The following PCDHA3 variants were observed in gnomAD, a reference collection of about 807,000 sequenced individuals.
PCDHA3 encodes the protein protocadherin alpha-3.
Under a neutral mutation model 62.2 loss-of-function variants are expected in PCDHA3, and 41 were observed. That is an observed-to-expected ratio of 0.66 (90% CI 0.51 to 0.86). The LOEUF (loss-of-function observed/expected upper bound fraction) is 0.86, where lower values mean the gene tolerates loss of function less well. Ranked by LOEUF, PCDHA3 falls within the 40% of genes least tolerant of loss-of-function variation. The probability of loss-of-function intolerance (pLI) is 0.00; values close to 1 mark genes in which losing one functional copy is unlikely to be tolerated. For synonymous variants in PCDHA3, 640 were observed against 555.4 expected, an observed-to-expected ratio of 1.15 and a Z score of -2.14; for missense variants, 1,304 against 1,241.2, an observed-to-expected ratio of 1.05 and a Z score of -0.76.
At chr5:140,876,991 T>C in intron 1 of PCDHA3, 1 of 1,612,564 alleles carries the variant, frequency 6.2e-7, no homozygotes, top group Non-Finnish European at 8.5e-7. Flanking sequence ...ACTGTCGAGC[T>C]ACGTGTCGGT....
chr5:140,849,758 C>A (rs2150448460), intron 1 of PCDHA3: 1 of 1,598,492 alleles, frequency 6.3e-7, no homozygotes, highest in Non-Finnish European at 8.6e-7. Context: ...TGTCCGCCTA[C>A]GAGCTGGTGG....
intron 3 of PCDHA3, among the ~76,000 whole-genome samples, chr5:141,003,809 G>C (rs1554259330): frequency 6.6e-6 from 1 of 152,290 alleles, no homozygotes; most frequent in African/African-American, 2.4e-5. Flanking sequence ...GTAATCTGTA[G>C]TCTGGGAAGG....
Position 140,849,766 on chromosome 5 carries a change from T to C in PCDHA3, c.2394+46175T>C. 1.9e-6 allele frequency: 3 copies of C among 1,598,326 alleles called. 1 individual carries two copies. Among genetic ancestry groups the C allele is most frequent in the Middle Eastern group, 1.7e-4 (1 of 5,858 alleles). On this transcript the variant is annotated intron_variant, in intron 1 of 3. Coordinates refer to ENST00000522353, the MANE Select transcript of PCDHA3 (RefSeq NM_018906.3). The stretch of plus-strand genomic sequence containing the variant: ...GAGAGTGTGTCCGCCTACGAGCTGG[T>C]GGTTACCGCGCGGGACGGGGGCTCG...
intron 1 of PCDHA3, chr5:140,869,606 T>C: frequency 2.5e-6 from 4 of 1,614,026 alleles, no homozygotes; most frequent in Non-Finnish European, 3.4e-6. Flanking sequence ...AATGCTCTAT[T>C]GACCTACAGG....
intron 1 of PCDHA3, among the ~76,000 whole-genome samples, chr5:140,833,353 G>A (rs2150207714): frequency 9.9e-5 from 15 of 152,096 alleles, no homozygotes; most frequent in East Asian, 1.9e-4. Flanking sequence ...TCCAGAAAAC[G>A]AACACAGTAA....
At chr5:140,991,569 A>G (rs1157834136) in intron 3 of PCDHA3, among the ~76,000 whole-genome samples, 4 of 152,188 alleles carry the variant, frequency 2.6e-5, no homozygotes, top group Admixed American at 6.5e-5. Flanking sequence ...GTTTCCAATA[A>G]CAGGCTCCTT....
At chr5:140,867,198 C>A (rs1286853388) in intron 1 of PCDHA3, 1 of 152,110 alleles carries the variant, frequency 6.6e-6, no homozygotes, top group East Asian at 1.9e-4. Flanking sequence ...ACTCCACATT[C>A]CATGTAACAT....
chr5:140,803,384 A>T lies in PCDHA3; in HGVS notation c.2187A>T (p.Glu729Asp), dbSNP rs782777686. Residue 729 changes from glutamate (E) to aspartate (D), a missense_variant, in exon 1 of 4, where the codon GAA becomes GAT. By Grantham distance (45) the Glu-to-Asp change is conservative. Transcript: ENST00000522353. Reference sequence around the variant, plus strand: ...TGCGGTGCTCCGCGCCGCCAACCGAAGGCGACTGTGGGCCGGGCAAGCCCA... The same window carrying T: ...TGCGGTGCTCCGCGCCGCCAACCGATGGCGACTGTGGGCCGGGCAAGCCCA... ...TALRCSAPPT[E>D]GDCGPGKPTL... is the part of the protein sequence containing the mutation. The T allele has an allele frequency of 1.9e-6, 3 of 1,614,208 alleles. No individual in the cohort carries two copies. The highest frequency in any genetic ancestry group is 1.7e-5 in the Admixed American group (1 of 60,036).
intron 1 of PCDHA3, chr5:140,858,360 G>T: frequency 6.3e-7 from 1 of 1,592,532 alleles, no homozygotes; most frequent in Non-Finnish European, 8.6e-7. Context: ...ATGGCCTTCA[G>T]CCCCAGCCTT....
intron 1 of PCDHA3, among the ~76,000 whole-genome samples, chr5:140,907,643 A>C (rs2073513749): frequency 6.6e-6 from 1 of 152,208 alleles, no homozygotes; most frequent in African/African-American, 2.4e-5. Flanking sequence ...GCTGCTGGCA[A>C]ATTGGGCACT....
chr5:140,809,331 T>G lies in PCDHA3; in HGVS notation c.2394+5740T>G, dbSNP rs1185037292. On this transcript the variant is annotated intron_variant, in intron 1 of 3. Coordinates refer to ENST00000522353, the MANE Select transcript of PCDHA3 (RefSeq NM_018906.3). Reference sequence around the variant, plus strand: ...GTGTCCAGCCTTTTGGTGCTCACGCTGCTGCTGTACACCGCGCTGCGGTGC... The same window carrying G: ...GTGTCCAGCCTTTTGGTGCTCACGCGGCTGCTGTACACCGCGCTGCGGTGC... The G allele has an allele frequency of 6.2e-7, 1 of 1,614,088 alleles. No individual in the cohort carries two copies. The highest frequency in any genetic ancestry group is 1.7e-5 in the Admixed American group (1 of 60,032).
chr5:140,852,335 T>C (rs2042302607), intron 1 of PCDHA3: 1 of 256,936 alleles, frequency 3.9e-6, no homozygotes. Context: ...TGGAGTACAG[T>C]GGCATGATCT....
chr5:140,807,664 T>C (rs781787509), intron 1 of PCDHA3: 1 of 1,614,224 alleles, frequency 6.2e-7, no homozygotes, highest in East Asian at 2.2e-5. Context: ...GCGCCTCGGA[T>C]GCAGATATCG....
In PCDHA3 at chr5:140,840,930, C is replaced by T. The variant is rs2150310156; in HGVS notation, c.2394+37339C>T. Among the ~76,000 whole-genome samples the T allele has an allele frequency of 2.0e-5, 3 of 151,804 alleles. No homozygotes were observed. The South Asian group carries it at 6.2e-4, about 32-fold the overall frequency. On this transcript the variant is annotated intron_variant, in intron 1 of 3. Transcript: ENST00000522353. ...TACTTAAATTTATTATTAATTGATACGATATTTGAAATATTGGGAAGAAAT... is the reference window on the plus strand; with the variant it reads ...TACTTAAATTTATTATTAATTGATATGATATTTGAAATATTGGGAAGAAAT...
chr5:140,987,293 T>C (rs2097246211), intron 3 of PCDHA3, among the ~76,000 whole-genome samples: 1 of 152,134 alleles, frequency 6.6e-6, no homozygotes, highest in African/African-American at 2.4e-5. Context: ...TAACAAGCCT[T>C]CTATGTGATA....
rs2150336265 is a variant in PCDHA3, at chr5:140,842,444, A to C, written c.2394+38853A>C. 3.1e-6 allele frequency: 5 copies of C among 1,613,778 alleles called. No homozygotes were observed. The East Asian group carries it at 1.1e-4, about 36-fold the overall frequency. On this transcript the variant is annotated intron_variant, in intron 1 of 3. Transcript: ENST00000522353. ...TACTGTCATCGCCCTAATTAGCGTGAACGACCTCGATTCAGGTGCCAACGG... is the reference window on the plus strand; with the variant it reads ...TACTGTCATCGCCCTAATTAGCGTGCACGACCTCGATTCAGGTGCCAACGG...
chr5:140,843,464 C>T lies in PCDHA3; in HGVS notation c.2394+39873C>T. On this transcript the variant is annotated intron_variant, in intron 1 of 3. Transcript: ENST00000522353. ...GGTATCCAGCCTGCTGGTGCTCACG[C>T]TGCTGCTGTACACTGCGCTGCGGTG... 3.1e-6 allele frequency: 5 copies of T among 1,596,058 alleles called. 1 individual carries two copies. The highest frequency in any genetic ancestry group is 4.3e-6 in the Non-Finnish European group (5 of 1,165,644).
In PCDHA3 at chr5:140,860,044, T is replaced by C. The variant is rs116974556; in HGVS notation, c.2394+56453T>C. On this transcript the variant is annotated intron_variant, in intron 1 of 3. Coordinates refer to ENST00000522353, the MANE Select transcript of PCDHA3 (RefSeq NM_018906.3). The stretch of plus-strand genomic sequence containing the variant: ...TGGCTCACACCTGTAATCCCAGCAT[T>C]TTGAGAGGCCAAGGTGGGAGGATGG... 10 of 151,928 alleles carry C rather than the reference T, an allele frequency of 6.6e-5. No homozygotes were observed. In the East Asian group the frequency reaches 1.9e-3, roughly 29 times the overall value. 9.4% of individuals were successfully genotyped at this position (151,928 alleles called of 1,614,324 possible).
At chr5:140,937,323 C>T (rs1350536354) in intron 1 of PCDHA3, among the ~76,000 whole-genome samples, 3 of 152,120 alleles carry the variant, frequency 2.0e-5, no homozygotes, top group African/African-American at 7.2e-5. Flanking sequence ...AGGCGTGAGC[C>T]ACCGCGCCCG....
Sources: gnomAD v4.1 joint callset for allele counts (sites outside exome capture counted in the v4.1 genomes callset) on GRCh38, gnomAD v4.1.1 for gene constraint, MANE v1.5 for transcripts, NCBI Gene and HGNC (gene_info 2026-07-23, HGNC 2026-07-21) for gene names.